BABAM2: variants seen among roughly 807,000 people sequenced by gnomAD.
The protein encoded by BABAM2 is BRISC and BRCA1 A complex member 2.
A neutral mutation model predicts 54.7 loss-of-function variants in BABAM2; 31 were observed. The ratio of observed to expected loss-of-function variants is 0.57; its 90% CI spans 0.43 to 0.77. The LOEUF (loss-of-function observed/expected upper bound fraction) is 0.77. Ranked by LOEUF, BABAM2 falls within the 30% of genes least tolerant of loss-of-function variation. The pLI, the probability that BABAM2 is intolerant of heterozygous loss-of-function variation, is 0.00. For synonymous variants in BABAM2, 167 were observed against 162.9 expected (o/e 1.03, Z -0.19); for missense variants, 364 against 455.8 (o/e 0.80, Z 1.83).
rs751591685 is a variant in BABAM2, at chr2:28,244,976, C to CGT, written c.934+115_934+116dup. The CGT allele has an allele frequency of 8.3e-4, 638 of 764,294 alleles. 1 individual carries two copies. Among genetic ancestry groups the CGT allele is most frequent in the Middle Eastern group, 9.8e-4 (4 of 4,094 alleles). The allele number at this position is 764,294 out of a possible 1,614,324, so 47.3% of individuals were successfully genotyped here. A position where few individuals can be genotyped will look rare whatever the true frequency, so the allele number is the denominator to read the frequency against. Reference sequence around the variant, plus strand: ...CCTGTCTCGGTTCCTTTTACTGTAGCGTATATATATATTTATTGTGGGATA... The same window carrying CGT: ...CCTGTCTCGGTTCCTTTTACTGTAGCGTGTATATATATATTTATTGTGGGATA... On this transcript the variant is annotated intron_variant, in intron 10 of 11. Transcript: ENST00000379624.
intron 7 of BABAM2, among the ~76,000 whole-genome samples, chr2:28,165,620 C>T (rs113053251): frequency 0.067 from 9,912 of 148,966 alleles, 359 homozygotes; most frequent in African/African-American, 0.08. Context: ...CTGCAACCTC[C>T]GCTTCCTGGG....
At chr2:28,088,487 C>T (rs180957290) in intron 6 of BABAM2, among the ~76,000 whole-genome samples, 11 of 152,250 alleles carry the variant, frequency 7.2e-5, no homozygotes, top group African/African-American at 2.6e-4. Context: ...CAGGTGTGGA[C>T]GAAGATGGCC....
At chr2:28,232,782 C>T (rs1681535750) in intron 7 of BABAM2, among the ~76,000 whole-genome samples, 1 of 152,184 alleles carries the variant, frequency 6.6e-6, no homozygotes, top group Non-Finnish European at 1.5e-5. Context: ...GCATGTGGCT[C>T]ATGACTGCAT....
At chr2:28,079,649 T>C (rs924476387) in intron 6 of BABAM2, among the ~76,000 whole-genome samples, 10 of 152,138 alleles carry the variant, frequency 6.6e-5, no homozygotes, top group Non-Finnish European at 1.3e-4. Flanking sequence ...TACCTTACCT[T>C]CATACTTATT....
At chr2:28,181,993 C>G (rs1287758070) in intron 7 of BABAM2, among the ~76,000 whole-genome samples, 1 of 151,888 alleles carries the variant, frequency 6.6e-6, no homozygotes, top group Non-Finnish European at 1.5e-5. Flanking sequence ...TCTGTGAGCA[C>G]AAAGGCCTGG....
At chr2:27,960,823 G>A (rs1349445772) in intron 3 of BABAM2, among the ~76,000 whole-genome samples, 1 of 152,040 alleles carries the variant, frequency 6.6e-6, no homozygotes, top group Non-Finnish European at 1.5e-5. Context: ...TCACATGTTA[G>A]GAAATAAATA....
intron 11 of BABAM2, among the ~76,000 whole-genome samples, chr2:28,326,915 C>A (rs1202974290): frequency 5.2e-5 from 1 of 19,062 alleles, no homozygotes; most frequent in East Asian, 1.7e-3. Context: ...TCGGCAGTTT[C>A]CTTTTTCCTT....
chr2:28,301,508 C>G (rs566427483), intron 11 of BABAM2, among the ~76,000 whole-genome samples: 1 of 152,340 alleles, frequency 6.6e-6, no homozygotes, highest in African/African-American at 2.4e-5. Flanking sequence ...ATTCCTAAAA[C>G]AGGACTGTAC....
intron 7 of BABAM2, among the ~76,000 whole-genome samples, chr2:28,158,753 C>T (rs1422190724): frequency 6.6e-6 from 1 of 152,194 alleles, no homozygotes; most frequent in East Asian, 1.9e-4. Context: ...CTTTTGCCTG[C>T]ATTATTGTTA....
At chr2:28,003,668 C>T (rs1321211462) in intron 4 of BABAM2, among the ~76,000 whole-genome samples, 7 of 152,010 alleles carry the variant, frequency 4.6e-5, no homozygotes, top group East Asian at 1.9e-4. Context: ...TGAACATGGG[C>T]GAGACAGATC....
chr2:28,026,845 T>C (rs1239897419), intron 5 of BABAM2, among the ~76,000 whole-genome samples: 6 of 42,112 alleles, frequency 1.4e-4, no homozygotes, highest in Non-Finnish European at 2.8e-4. Context: ...TATATATAAA[T>C]ATATATTTAT....
At chr2:28,157,861 G>A (rs576964358) in intron 7 of BABAM2, among the ~76,000 whole-genome samples, 11 of 152,068 alleles carry the variant, frequency 7.2e-5, no homozygotes, top group Non-Finnish European at 1.3e-4. Context: ...TGCCAGCCTC[G>A]GCCTCCCAAA....
intron 6 of BABAM2, among the ~76,000 whole-genome samples, chr2:28,062,487 C>T (rs374416544): frequency 8.8e-5 from 13 of 147,862 alleles, no homozygotes; most frequent in Non-Finnish European, 1.3e-4. Flanking sequence ...CACTTGAACC[C>T]GGGAGGTGGA....
Position 28,302,416 on chromosome 2 carries a change from C to CA in BABAM2, c.1088+3941dup, listed in dbSNP as rs34808748. 1.4e-3 allele frequency among the ~76,000 whole-genome samples: 191 copies of CA among 133,572 alleles called. 1 individual carries two copies. The highest frequency in any genetic ancestry group is 5.7e-3 in the East Asian group (26 of 4,554). 87.6% of individuals were successfully genotyped at this position (133,572 alleles called of 152,430 possible). ...TGGGTGACAGAGCGAGACTCCATCT[C>CA]AAAAAAAAAAAAAAAATGTATCTGT... On this transcript the variant is annotated intron_variant, in intron 11 of 11. Coordinates refer to ENST00000379624, the MANE Select transcript of BABAM2 (RefSeq NM_199191.3).
chr2:28,161,881 T>C (rs931029955), intron 7 of BABAM2, among the ~76,000 whole-genome samples: 2 of 152,062 alleles, frequency 1.3e-5, no homozygotes, highest in Non-Finnish European at 2.9e-5. Flanking sequence ...TTAATTATTT[T>C]ATTTAGCACC....
chr2:27,900,409 T>C (rs1665688455), intron 2 of BABAM2, among the ~76,000 whole-genome samples: 2 of 152,096 alleles, frequency 1.3e-5, no homozygotes, highest in Admixed American at 6.6e-5. Context: ...ATATTTCTCT[T>C]ATGTTATCTA....
intron 7 of BABAM2, among the ~76,000 whole-genome samples, chr2:28,142,860 A>G (rs1671179152): frequency 1.3e-5 from 2 of 152,072 alleles, no homozygotes; most frequent in Non-Finnish European, 1.5e-5. Context: ...CAGATTATGG[A>G]GCATGATATT....
upstream of BABAM2, chr2:27,889,975 G>C (rs1208011504): frequency 3.0e-6 from 1 of 336,976 alleles, no homozygotes; most frequent in Non-Finnish European, 5.4e-6. Context: ...CTTTGGGGGC[G>C]CAAGTCTTTG....
At chr2:27,979,682 T>C (rs1671866087) in intron 3 of BABAM2, among the ~76,000 whole-genome samples, 1 of 152,150 alleles carries the variant, frequency 6.6e-6, no homozygotes, top group South Asian at 2.1e-4. Context: ...TGGTATCTCG[T>C]GGTTTTGATG....
Sources: gnomAD v4.1 joint callset for allele counts (sites outside exome capture counted in the v4.1 genomes callset) on GRCh38, gnomAD v4.1.1 for gene constraint, MANE v1.5 for transcripts, NCBI Gene and HGNC (gene_info 2026-07-23, HGNC 2026-07-21) for gene names.